HACD1: variants seen among roughly 807,000 people sequenced by gnomAD.
HACD1 encodes the protein very-long-chain (3R)-3-hydroxyacyl-CoA dehydratase 1.
In HACD1, 41 loss-of-function variants were observed where a neutral mutation model predicts 32.0. The ratio of observed to expected loss-of-function variants is 1.28; its 90% CI spans 1.00 to 1.66. The LOEUF (loss-of-function observed/expected upper bound fraction) is 1.66. HACD1 is among the 40% of genes most tolerant of loss of function. The pLI is 0.00. For synonymous variants in HACD1, 142 were observed against 139.0 expected (o/e 1.02, Z -0.15); for missense variants, 396 against 380.1 (o/e 1.04, Z -0.35).
intron 1 of HACD1, among the ~76,000 whole-genome samples, chr10:17,614,713 G>T (rs1325359909): frequency 1.6e-4 from 2 of 12,500 alleles, no homozygotes; most frequent in South Asian, 4.3e-3. Flanking sequence ...CTTAACAAAA[G>T]AAAAAAAAAG....
At position 17,594,338 on chromosome 10, in the gene HACD1, T is replaced by C. The variant is rs2131503619; in HGVS notation, c.651A>G (p.Glu217=). The change falls in exon 6 of 7, where the codon GAA becomes GAG. Residue 217 remains glutamate, a synonymous_variant. Coordinates refer to ENST00000361271, the MANE Select transcript of HACD1 (RefSeq NM_014241.4). ...GCAAGGCAGCGTATATTGTAAGAAG[T>C]TCACCAGCAACTCCAACAGGATATA... ...IILYPVGVAG[E]LLTIYAALPH... 6.3e-7 allele frequency: 1 copy of C among 1,576,162 alleles called. No homozygotes were observed.
intron 1 of HACD1, chr10:17,615,822 T>C (rs1554817961): frequency 2.3e-6 from 1 of 429,754 alleles, no homozygotes; most frequent in Non-Finnish European, 4.7e-6. Context: ...CAAAAATTAA[T>C]GGGGCGTGGT....
chr10:17,608,272 C>T (rs1834176914), intron 1 of HACD1, among the ~76,000 whole-genome samples: 2 of 152,122 alleles, frequency 1.3e-5, no homozygotes, highest in Admixed American at 1.3e-4. Flanking sequence ...AAGCCATCTG[C>T]CTGCCTCAGT....
Position 17,590,563 on chromosome 10 carries a change from C to T in HACD1, c.785-117G>A, listed in dbSNP as rs2357285. The T allele has an allele frequency of 0.046, 29,042 of 637,922 alleles. 879 individuals are homozygous for T. Among genetic ancestry groups the T allele is most frequent in the Non-Finnish European group, 0.06 (23,399 of 392,486 alleles). 39.5% of individuals were successfully genotyped at this position (637,922 alleles called of 1,614,324 possible). A position where few individuals can be genotyped will look rare whatever the true frequency, so the allele number is the denominator to read the frequency against. On this transcript the variant is annotated intron_variant, in intron 6 of 6. Coordinates refer to ENST00000361271, the MANE Select transcript of HACD1 (RefSeq NM_014241.4). The stretch of plus-strand genomic sequence containing the variant: ...AATACATCCCATACCACTGCTGTTC[C>T]CTGGATATTTACAGAGCTCAAGACT...
intron 1 of HACD1, among the ~76,000 whole-genome samples, chr10:17,614,568 A>T (rs1435071833): frequency 6.6e-6 from 1 of 151,644 alleles, no homozygotes; most frequent in Non-Finnish European, 1.5e-5. Context: ...TTTTCAAATT[A>T]GCTGAGGATG....
intron 5 of HACD1, 139 bp from the exon 6 acceptor site, chr10:17,594,522 AATAG>A: frequency 1.6e-6 from 1 of 611,450 alleles, no homozygotes; most frequent in Non-Finnish European, 2.5e-6. Context: ...ACGTAAGGTT[AATAG>A]TTCTACTTTA....
intron 6 of HACD1, 36 bp downstream of exon 6, chr10:17,594,169 T>C: frequency 2.3e-6 from 3 of 1,318,282 alleles, no homozygotes; most frequent in Non-Finnish European, 2.0e-6. Context: ...TTCCACATCA[T>C]ATGTCAAATC....
At chr10:17,604,660 T>A (rs1554816906) in intron 1 of HACD1, among the ~76,000 whole-genome samples, 1 of 152,088 alleles carries the variant, frequency 6.6e-6, no homozygotes, top group Non-Finnish European at 1.5e-5. Context: ...CTTTAAAAAA[T>A]TTCTTTTTTT....
intron 6 of HACD1, among the ~76,000 whole-genome samples, chr10:17,592,717 A>G (rs1464390454): frequency 6.6e-6 from 1 of 152,222 alleles, no homozygotes; most frequent in African/African-American, 2.4e-5. Flanking sequence ...GTTCTGTTCA[A>G]GTAATGCTAC....
chr10:17,599,941 G>A (rs1301035258), intron 4 of HACD1, among the ~76,000 whole-genome samples: 2 of 152,080 alleles, frequency 1.3e-5, no homozygotes, highest in African/African-American at 4.8e-5. Context: ...AAAACAAATT[G>A]GAATCAGCTA....
In HACD1 at chr10:17,617,259, C is replaced by T. The variant is rs1048701767; in HGVS notation, c.81G>A (p.Leu27=). The T allele has an allele frequency of 8.1e-6, 12 of 1,475,946 alleles. No individual in the cohort carries two copies. In the Admixed American group the frequency reaches 2.5e-4, roughly 31 times the overall value. The allele number at this position is 1,475,946 out of a possible 1,614,324, so 91.4% of individuals were successfully genotyped here. The change falls in exon 1 of 7, where the codon CTG becomes CTA. Residue 27 remains leucine (L), a synonymous_variant. Coordinates refer to ENST00000361271, the MANE Select transcript of HACD1 (RefSeq NM_014241.4). ...ACCTGGGGGACGTGGGAGACAGCGG[C>T]AGGAGCGTGGGAGGGGACCCTGCCC... ...AGWAGSPPTL[L]PLSPTSPRCA... is the part of the protein sequence containing the mutation.
At chr10:17,608,825 C>T (rs1383883450) in intron 1 of HACD1, among the ~76,000 whole-genome samples, 1 of 152,110 alleles carries the variant, frequency 6.6e-6, no homozygotes, top group South Asian at 2.1e-4. Flanking sequence ...CTCTAAACTG[C>T]CTTTTCTAGA....
rs1554816747 is a variant in HACD1 at position 17,603,666 on chromosome 10, G to A, written c.395-18C>T. The A allele has an allele frequency of 1.9e-6, 3 of 1,608,764 alleles. No homozygotes were observed. In the South Asian group the frequency reaches 3.3e-5, roughly 18 times the overall value. On this transcript the variant is annotated intron_variant, in intron 3 of 6. Transcript: ENST00000361271. ...TACAATTCCTTAAAAAGAAAAACAA[G>A]TGAACTATTGCCCTAAAGGCAATTT...
chr10:17,591,560 A>G (rs1009296760), intron 6 of HACD1, among the ~76,000 whole-genome samples: 2 of 152,254 alleles, frequency 1.3e-5, no homozygotes, highest in African/African-American at 4.8e-5. Context: ...ACAAATTGTC[A>G]TCTGTCCAGT....
chr10:17,599,014 C>A, intron 5 of HACD1: 2 of 399,280 alleles, frequency 5.0e-6, no homozygotes, highest in East Asian at 7.3e-5. Context: ...ATTGTGCTTT[C>A]CAAAAAAAAA....
intron 6 of HACD1, among the ~76,000 whole-genome samples, chr10:17,590,957 G>A (rs896096349): frequency 6.6e-6 from 1 of 152,172 alleles, no homozygotes; most frequent in South Asian, 2.1e-4. Flanking sequence ...TTACAGGCAT[G>A]AACCACTGCG....
intron 1 of HACD1, among the ~76,000 whole-genome samples, chr10:17,605,005 C>A (rs1834125678): frequency 6.6e-6 from 1 of 152,088 alleles, no homozygotes; most frequent in Admixed American, 6.6e-5. Flanking sequence ...CCATGCCCAG[C>A]CTGTATGATT....
At chr10:17,613,224 C>CA (rs1204948317) in intron 1 of HACD1, among the ~76,000 whole-genome samples, 1 of 151,686 alleles carries the variant, frequency 6.6e-6, no homozygotes, top group African/African-American at 2.4e-5. Context: ...CCTCCTGCCT[C>CA]AGTCTCCTGA....
intron 5 of HACD1, 107 bp downstream of exon 5, chr10:17,599,183 G>A: frequency 6.6e-7 from 1 of 1,515,310 alleles, no homozygotes; most frequent in Non-Finnish European, 8.8e-7. Context: ...TCCTATAACA[G>A]CATTCTGGCA....
Sources: allele counts gnomAD v4.1 joint callset (sites outside exome capture counted in the v4.1 genomes callset), GRCh38; gene constraint gnomAD v4.1.1; transcripts MANE v1.5; gene names NCBI Gene and HGNC (gene_info 2026-07-23, HGNC 2026-07-21).